Variants in CYRIB observed in about 807,000 individuals in gnomAD.
CYRIB encodes CYFIP-related Rac1 interactor B.
In CYRIB, 8 loss-of-function variants were observed where a neutral mutation model predicts 44.2. That is an observed-to-expected ratio of 0.18 (90% confidence interval 0.11 to 0.33). The LOEUF (loss-of-function observed/expected upper bound fraction) is 0.33. Ranked by LOEUF, CYRIB falls within the 10% of genes least tolerant of loss-of-function variation. CYRIB has a pLI of 1.00. For missense variants in CYRIB, 185 were observed against 382.8 expected, an observed-to-expected ratio of 0.48 and a Z score of 4.31; for synonymous variants, 131 against 127.2, an observed-to-expected ratio of 1.03 and a Z score of -0.20.
chr8:130,014,591 T>C (rs939222116), intron 1 of CYRIB, among the ~76,000 whole-genome samples: 1 of 152,122 alleles, frequency 6.6e-6, no homozygotes, highest in African/African-American at 2.4e-5. Context: ...ACAGAAGACT[T>C]TGGGAGCTGA....
At chr8:129,877,587 T>G (rs1023488006) in intron 3 of CYRIB, among the ~76,000 whole-genome samples, 1 of 151,278 alleles carries the variant, frequency 6.6e-6, no homozygotes, top group African/African-American at 2.4e-5. Context: ...AGGCAGAGGT[T>G]GCAGTGAGCT....
intron 1 of CYRIB, among the ~76,000 whole-genome samples, chr8:129,937,499 CTAATT>C (rs1204262726): frequency 6.6e-6 from 1 of 152,180 alleles, no homozygotes; most frequent in Non-Finnish European, 1.5e-5. Flanking sequence ...AAGAGGGACA[CTAATT>C]TAACCTGTAA....
intron 2 of CYRIB, chr8:129,901,763 A>G (rs2072177257): frequency 6.6e-6 from 1 of 152,242 alleles, no homozygotes; most frequent in Non-Finnish European, 1.5e-5. Flanking sequence ...TGTCATTAAT[A>G]GAAACCATGG....
chr8:129,929,525 C>A (rs1341171402), intron 1 of CYRIB, among the ~76,000 whole-genome samples: 1 of 151,760 alleles, frequency 6.6e-6, no homozygotes, highest in Non-Finnish European at 1.5e-5. Context: ...AAGTATACCT[C>A]AATAAAATTG....
At chr8:129,852,040 A>G in intron 8 of CYRIB, 122 bp downstream of exon 10, 2 of 527,768 alleles carry the variant, frequency 3.8e-6, no homozygotes, top group Non-Finnish European at 6.5e-6. Context: ...TCAGGACTCA[A>G]CACATACATC....
At chr8:129,890,604 G>T (rs1029032359) in intron 2 of CYRIB, 1 of 152,124 alleles carries the variant, frequency 6.6e-6, no homozygotes, top group African/African-American at 2.4e-5. Flanking sequence ...ACCATCACTT[G>T]AAAGCAGGCC....
intron 2 of CYRIB, among the ~76,000 whole-genome samples, chr8:129,881,529 T>C (rs1306945511): frequency 1.3e-5 from 2 of 152,242 alleles, no homozygotes; most frequent in Non-Finnish European, 2.9e-5. Flanking sequence ...AGCATATGTT[T>C]CTAACTGTAA....
At chr8:129,874,608 C>G (rs1193686889) in intron 3 of CYRIB, among the ~76,000 whole-genome samples, 2 of 151,976 alleles carry the variant, frequency 1.3e-5, no homozygotes, top group Non-Finnish European at 2.9e-5. Context: ...AACTCAGTAC[C>G]TAGATTTTCT....
At chr8:129,948,062 T>C (rs2094276087) in intron 2 of CYRIB, 1 of 152,176 alleles carries the variant, frequency 6.6e-6, no homozygotes, top group Non-Finnish European at 1.5e-5. Context: ...AGAACTGTAT[T>C]CCCCACCGCC....
chr8:129,849,190 T>C (rs571921606), intron 10 of CYRIB, 53 bp downstream of exon 12: 2 of 1,509,652 alleles, frequency 1.3e-6, no homozygotes, highest in East Asian at 2.3e-5. Context: ...TAAAATCCTA[T>C]GGTTTCCATG....
At chr8:129,952,390 C>T (rs1301971705) in intron 2 of CYRIB, among the ~76,000 whole-genome samples, 1 of 151,902 alleles carries the variant, frequency 6.6e-6, no homozygotes, top group East Asian at 1.9e-4. Flanking sequence ...ATGTATATTA[C>T]ATGTATATGT....
intron 1 of CYRIB, among the ~76,000 whole-genome samples, chr8:129,991,106 TGGGCAACAGAGC>T: frequency 7.9e-6 from 1 of 126,582 alleles, no homozygotes; most frequent in Non-Finnish European, 1.6e-5. Context: ...CACTCCAGCC[TGGGCAACAGAGC>T]GAGACTCTGT....
intron 1 of CYRIB, among the ~76,000 whole-genome samples, chr8:129,998,128 A>C (rs866228749): frequency 0.032 from 4,805 of 151,286 alleles, 103 homozygotes; most frequent in Middle Eastern, 0.061. Context: ...TCAAAAAAAA[A>C]AAAAAAAAAA....
intron 1 of CYRIB, among the ~76,000 whole-genome samples, chr8:129,912,065 A>AAAGAAAGAATTTTT (rs1416589380): frequency 6.6e-6 from 1 of 152,222 alleles, no homozygotes; most frequent in Non-Finnish European, 1.5e-5. Flanking sequence ...ATGCTAGTTA[A>AAAGAAAGAATTTTT]AAGAAAGAAT....
intron 2 of CYRIB, among the ~76,000 whole-genome samples, chr8:129,886,260 T>A (rs1326586202): frequency 6.6e-6 from 1 of 152,190 alleles, no homozygotes; most frequent in Admixed American, 6.5e-5. Flanking sequence ...TTTGGCTAAA[T>A]CTAAAGGACA....
intron 4 of CYRIB, among the ~76,000 whole-genome samples, chr8:129,867,046 T>C (rs1027215116): frequency 2.0e-5 from 3 of 152,244 alleles, no homozygotes; most frequent in African/African-American, 7.2e-5. Flanking sequence ...CCTAGCACTT[T>C]GGGACGCTGA....
chr8:129,859,637 G>A (rs2048264320), intron 5 of CYRIB, among the ~76,000 whole-genome samples: 1 of 152,222 alleles, frequency 6.6e-6, no homozygotes, highest in African/African-American at 2.4e-5. Context: ...CATAACAGAA[G>A]GCTCGCACTC....
chr8:129,897,970 T>C (rs1456616698), intron 2 of CYRIB, among the ~76,000 whole-genome samples: 1 of 152,118 alleles, frequency 6.6e-6, no homozygotes, highest in Admixed American at 6.6e-5. Flanking sequence ...TTCGCCATGT[T>C]GGCCAGGCTG....
At chr8:129,869,596 A>G (rs1023873484) in intron 4 of CYRIB, among the ~76,000 whole-genome samples, 13 of 152,142 alleles carry the variant, frequency 8.5e-5, no homozygotes, top group Admixed American at 3.3e-4. Context: ...TTTCACTTCC[A>G]CAAATGTTTG....
Sources: gnomAD v4.1 joint callset for allele counts (sites outside exome capture counted in the v4.1 genomes callset) on GRCh38, gnomAD v4.1.1 for gene constraint, MANE v1.5 for transcripts, NCBI Gene and HGNC (gene_info 2026-07-23, HGNC 2026-07-21) for gene names.